The following KRABD3 variants were observed in gnomAD, a reference collection of about 807,000 sequenced individuals.
The protein encoded by KRABD3 is KRAB domain containing 3, also known as KRAB domain-containing protein 3.
the KRABD3 span, chr7:149,728,747 G>A: frequency 1.3e-4 from 203 of 1,505,346 alleles, 1 homozygote; most frequent in South Asian, 2.2e-3. Flanking sequence ...TGCACCTGTG[G>A]GCTCAGATCT....
At chr7:149,724,517 C>T in the KRABD3 span, 2 of 552,318 alleles carry the variant, frequency 3.6e-6, no homozygotes, top group Admixed American at 3.9e-5. Flanking sequence ...TGACAAGTGA[C>T]AGCAGTCTGA....
the KRABD3 span, chr7:149,723,440 G>C: frequency 7.2e-6 from 3 of 419,506 alleles, no homozygotes; most frequent in Non-Finnish European, 1.3e-5. Context: ...TGTAAGTTCT[G>C]TTCAGGACCC....
At chr7:149,729,871 C>T in the KRABD3 span, 4 of 985,304 alleles carry the variant, frequency 4.1e-6, no homozygotes, top group South Asian at 9.4e-5. Flanking sequence ...GAGACCTAGG[C>T]CTGGCTAGAA....
the KRABD3 span, among the ~76,000 whole-genome samples, chr7:149,718,085 A>G: frequency 7.2e-5 from 11 of 151,938 alleles, no homozygotes; most frequent in Non-Finnish European, 1.6e-4. Flanking sequence ...GGCGTGAACC[A>G]TCACACCCAG....
chr7:149,728,388 C>A, the KRABD3 span: 1 of 1,036,250 alleles, frequency 9.7e-7, no homozygotes. Flanking sequence ...AGAGCCAGGA[C>A]TGACACGTCC....
At chr7:149,730,489 C>T in the KRABD3 span, 2 of 1,610,154 alleles carry the variant, frequency 1.2e-6, no homozygotes, top group South Asian at 1.1e-5. Flanking sequence ...CTGGTGGGAC[C>T]CCTGCTGGCA....
the KRABD3 span, chr7:149,720,192 G>A: frequency 2.7e-5 from 42 of 1,529,500 alleles, no homozygotes; most frequent in South Asian, 4.8e-5. Context: ...CAGGCAATGC[G>A]TGACCTCAGC....
chr7:149,731,693 C>G, the KRABD3 span: 1 of 1,610,932 alleles, frequency 6.2e-7, no homozygotes, highest in South Asian at 1.1e-5. Flanking sequence ...GATCCCTGCC[C>G]GGTTTCTCAG....
At chr7:149,722,721 C>T in the KRABD3 span, 2 of 1,533,132 alleles carry the variant, frequency 1.3e-6, no homozygotes, top group Non-Finnish European at 1.8e-6. Flanking sequence ...TGAATGCCTG[C>T]CAGCGCTCCC....
At chr7:149,723,785 G>C in the KRABD3 span, 16 of 1,613,904 alleles carry the variant, frequency 9.9e-6, no homozygotes, top group Admixed American at 5.0e-5. Context: ...CTGCTACACT[G>C]TCTGAAGGAG....
the KRABD3 span, chr7:149,721,598 G>T: frequency 6.5e-7 from 1 of 1,545,752 alleles, no homozygotes; most frequent in East Asian, 2.4e-5. Flanking sequence ...CGTGGCGTCA[G>T]AGGACCTGGA....
At chr7:149,715,451 G>C in the KRABD3 span, 1 of 740,676 alleles carries the variant, frequency 1.4e-6, no homozygotes, top group Non-Finnish European at 1.7e-6. Flanking sequence ...CCCAAGTTTT[G>C]TCTTGGGAAG....
the KRABD3 span, chr7:149,721,124 G>T: frequency 1.6e-6 from 2 of 1,276,332 alleles, no homozygotes; most frequent in South Asian, 2.9e-5. Context: ...GTTCCTCGTG[G>T]CTAGGCCGTG....
chr7:149,725,993 C>T, the KRABD3 span: 1 of 1,612,172 alleles, frequency 6.2e-7, no homozygotes. Context: ...TCTCCTCATC[C>T]AGCAGCACCG....
the KRABD3 span, among the ~76,000 whole-genome samples, chr7:149,723,387 A>ACT: frequency 6.6e-6 from 1 of 152,230 alleles, no homozygotes; most frequent in Non-Finnish European, 1.5e-5. Flanking sequence ...CAGTGAGCTT[A>ACT]GCTGCAGTAA....
At chr7:149,730,603 G>T in the KRABD3 span, 1 of 1,600,094 alleles carries the variant, frequency 6.2e-7, no homozygotes, top group Non-Finnish European at 8.5e-7. Flanking sequence ...GCGCCCATGC[G>T]TTCCCCAGAG....
chr7:149,722,884 C>A, the KRABD3 span: 1 of 1,613,628 alleles, frequency 6.2e-7, no homozygotes, highest in Non-Finnish European at 8.5e-7. Context: ...AAGCTTCTTG[C>A]CACCTCTCCC....
chr7:149,720,353 C>T, the KRABD3 span, among the ~76,000 whole-genome samples: 1 of 152,182 alleles, frequency 6.6e-6, no homozygotes, highest in Non-Finnish European at 1.5e-5. Context: ...GCCTCAGGCC[C>T]CCCACCCACC....
chr7:149,725,766 C>T, the KRABD3 span: 1 of 987,490 alleles, frequency 1.0e-6, no homozygotes, highest in Non-Finnish European at 1.4e-6. Flanking sequence ...ATCAGTGCCA[C>T]AGGGAAACCC....
Sources: gnomAD v4.1 joint callset for allele counts (sites outside exome capture counted in the v4.1 genomes callset) on GRCh38, gnomAD v4.1.1 for gene constraint, MANE v1.5 for transcripts, NCBI Gene and HGNC (gene_info 2026-07-23, HGNC 2026-07-21) for gene names.